CBLN2: variants seen among roughly 807,000 people sequenced by gnomAD.
The protein encoded by CBLN2 is cerebellin-2.
CBLN2 carries 7 observed loss-of-function variants against 15.0 expected under a neutral mutation model. That is an observed-to-expected ratio of 0.47 (90% CI 0.27 to 0.88). The LOEUF is 0.88. Among genes scored for constraint, CBLN2 ranks in the 40% least tolerant of loss-of-function variants. The pLI is 0.14. For synonymous variants in CBLN2, 149 were observed against 135.2 expected (o/e 1.10, Z -0.71); for missense variants, 242 against 304.5 (o/e 0.79, Z 1.53).
Position 72,620,050 on chromosome 18 carries a change from G to A in CBLN2, c.15+18275C>T, listed in dbSNP as rs548017021. ...AGCTGTCTGCTTTTGGGCACCAGCA[G>A]GAACAAACTCCATGCAGGCCCCACG... On this transcript the variant is annotated intron_variant, in intron 1 of 2. Coordinates refer to the CBLN2 transcript ENST00000581073. Among the ~76,000 whole-genome samples, 8 of 152,370 alleles carry A rather than the reference G, an allele frequency of 5.3e-5. No individual in the cohort carries two copies. In the South Asian group the frequency reaches 1.4e-3, roughly 28 times the overall value.
In CBLN2 at chr18:72,552,467, A is replaced by T. The variant is rs1383626499; in HGVS notation, c.16-13695T>A. On this transcript the variant is annotated intron_variant, in intron 1 of 2. Coordinates refer to the CBLN2 transcript ENST00000581073. Reference sequence around the variant, plus strand: ...TAATATTTATATTTTTTCAAAATACATAAAAATCAACAAACTCCTTCCTTA... The same window carrying T: ...TAATATTTATATTTTTTCAAAATACTTAAAAATCAACAAACTCCTTCCTTA... 8 of 152,286 alleles carry T rather than the reference A, an allele frequency of 5.3e-5. No individual in the cohort carries two copies. In the East Asian group the frequency reaches 1.3e-3, roughly 26 times the overall value. The allele number at this position is 152,286 out of a possible 1,614,324, so 9.4% of individuals were successfully genotyped here.
intron 1 of CBLN2, among the ~76,000 whole-genome samples, chr18:72,602,048 C>A (rs1274449766): frequency 2.0e-5 from 3 of 152,172 alleles, no homozygotes; most frequent in South Asian, 2.1e-4. Context: ...CCCTGCTGAG[C>A]CACATCTGGG....
rs948476509 is a variant in CBLN2 at position 72,543,356 on chromosome 18, C to T, written c.-167+130G>A. 2.5e-6 allele frequency: 1 copy of T among 393,576 alleles called. No homozygotes were observed. The highest frequency in any genetic ancestry group is 4.5e-6 in the Non-Finnish European group (1 of 222,962). The allele number at this position is 393,576 out of a possible 1,614,324, so 24.4% of individuals were successfully genotyped here. ...GATAAATATCCGCTGTCCGCAGCCC[C>T]GATCCTACATGATTTCCCTTCTCTC... On this transcript the variant is annotated intron_variant, in intron 2 of 4. Coordinates refer to ENST00000269503, the MANE Select transcript of CBLN2 (RefSeq NM_182511.4). This position sits in a 1 kb window ranked among gnomAD's most constrained non-coding sequence, Gnocchi z 6.8.
chr18:72,573,289 A>T (rs2069343724), intron 1 of CBLN2, among the ~76,000 whole-genome samples: 1 of 152,218 alleles, frequency 6.6e-6, no homozygotes, highest in South Asian at 2.1e-4. Context: ...GGGAAGGTAG[A>T]CGTATCTATC....
At chr18:72,615,668 G>A (rs766943787) in intron 1 of CBLN2, among the ~76,000 whole-genome samples, 10 of 152,078 alleles carry the variant, frequency 6.6e-5, no homozygotes, top group Non-Finnish European at 1.2e-4. Context: ...AGTTTCTCTT[G>A]CACAATATAT....
chr18:72,591,742 T>C (rs186012052), intron 1 of CBLN2, among the ~76,000 whole-genome samples: 4 of 152,172 alleles, frequency 2.6e-5, no homozygotes, highest in Non-Finnish European at 4.4e-5. Flanking sequence ...AGTGAGACCA[T>C]ACAAAGTTTG....
intron 1 of CBLN2, among the ~76,000 whole-genome samples, chr18:72,633,627 G>C (rs183569542): frequency 1.3e-5 from 2 of 152,164 alleles, no homozygotes; most frequent in African/African-American, 4.8e-5. Flanking sequence ...CTAATGAAAA[G>C]TAATCAGAAC....
chr18:72,560,881 C>T (rs1019272278), intron 1 of CBLN2, among the ~76,000 whole-genome samples: 6 of 151,850 alleles, frequency 4.0e-5, no homozygotes, highest in East Asian at 1.9e-4. Context: ...TGGTGGTGGG[C>T]GCCTGTGGTC....
At chr18:72,546,056 A>T (rs906163686), upstream of CBLN2, among the ~76,000 whole-genome samples, 1 of 152,222 alleles carries the variant, frequency 6.6e-6, no homozygotes, top group African/African-American at 2.4e-5. Context: ...TAGACTAGAG[A>T]TTATTTTAGA....
At position 72,561,751 on chromosome 18, in the gene CBLN2, C is replaced by T. The variant is rs139808532; in HGVS notation, c.16-22979G>A. Reference sequence around the variant, plus strand: ...TGAGAGTTGGATATGGAAACTATAACGTATTGCTTATTTCATGCACAATTT... The same window carrying T: ...TGAGAGTTGGATATGGAAACTATAATGTATTGCTTATTTCATGCACAATTT... On this transcript the variant is annotated intron_variant, in intron 1 of 2. Transcript: ENST00000581073. Among the ~76,000 whole-genome samples, 643 of 152,234 alleles carry T rather than the reference C, an allele frequency of 4.2e-3. 7 individuals carry two copies. Among genetic ancestry groups the T allele is most frequent in the African/African-American group, 0.015 (622 of 41,524 alleles).
At chr18:72,600,023 A>G (rs1246788717) in intron 1 of CBLN2, among the ~76,000 whole-genome samples, 1 of 152,158 alleles carries the variant, frequency 6.6e-6, no homozygotes, top group East Asian at 1.9e-4. Flanking sequence ...AGAGCCAAGC[A>G]CCGCCTGTGG....
At chr18:72,540,948 T>C (rs677547) in intron 3 of CBLN2, among the ~76,000 whole-genome samples, 21,836 of 152,166 alleles carry the variant, frequency 0.14, 1,742 homozygotes, top group Admixed American at 0.21. Flanking sequence ...CTCTATAATG[T>C]TTTTAATTAT....
chr18:72,593,422 G>A (rs1309802452), intron 1 of CBLN2, among the ~76,000 whole-genome samples: 1 of 151,986 alleles, frequency 6.6e-6, no homozygotes, highest in Non-Finnish European at 1.5e-5. Flanking sequence ...AAATCTTTAG[G>A]TTTTTCCAAA....
chr18:72,618,182 A>T (rs1010357199), intron 1 of CBLN2: 2 of 179,932 alleles, frequency 1.1e-5, no homozygotes, highest in Admixed American at 1.2e-4. Context: ...TTTCCTTTCT[A>T]TGAGATCTCT....
chr18:72,598,994 A>G (rs1182562641), intron 1 of CBLN2, among the ~76,000 whole-genome samples: 1 of 152,054 alleles, frequency 6.6e-6, no homozygotes, highest in Non-Finnish European at 1.5e-5. Context: ...TGGTTCCTTA[A>G]CGTAATGTTA....
intron 1 of CBLN2, among the ~76,000 whole-genome samples, chr18:72,634,156 A>T (rs2069796554): frequency 6.6e-6 from 1 of 152,100 alleles, no homozygotes; most frequent in South Asian, 2.1e-4. Context: ...CATAAACAAA[A>T]TGTATCCCTT....
chr18:72,637,296 G>A (rs62089087), intron 1 of CBLN2, among the ~76,000 whole-genome samples: 20,253 of 150,986 alleles, frequency 0.13, 1,413 homozygotes, highest in Middle Eastern at 0.16. Flanking sequence ...AAAAAAAATG[G>A]CCCTCCTACG....
chr18:72,634,280 C>A (rs1477602015), intron 1 of CBLN2, among the ~76,000 whole-genome samples: 1 of 151,872 alleles, frequency 6.6e-6, no homozygotes, highest in Non-Finnish European at 1.5e-5. Context: ...ACTGTAGGAG[C>A]CTATGAATCT....
intron 1 of CBLN2, among the ~76,000 whole-genome samples, chr18:72,584,704 C>A (rs996093799): frequency 6.6e-6 from 1 of 152,130 alleles, no homozygotes; most frequent in Non-Finnish European, 1.5e-5. Context: ...AGAAAAAAGA[C>A]TGCTTGGGAC....
Sources: allele counts gnomAD v4.1 joint callset (sites outside exome capture counted in the v4.1 genomes callset), GRCh38; gene constraint gnomAD v4.1.1; non-coding constraint Gnocchi (gnomAD v3.1); transcripts MANE v1.5; gene names NCBI Gene and HGNC (gene_info 2026-07-23, HGNC 2026-07-21).